The following SERPINB11 variants were observed in gnomAD, a reference collection of about 807,000 sequenced individuals.
The protein encoded by SERPINB11 is serpin B11.
In SERPINB11, 32 loss-of-function variants were observed where a neutral mutation model predicts 36.7. The observed-to-expected ratio is 0.87, with a 90% confidence interval of 0.66 to 1.17. SERPINB11 has a LOEUF of 1.17. SERPINB11 is among the 50% of genes most tolerant of loss of function. The pLI is 0.00. For synonymous variants in SERPINB11, 174 were observed against 168.1 expected (o/e 1.04, Z -0.27); for missense variants, 528 against 458.4 (o/e 1.15, Z -1.39).
intron 1 of SERPINB11, among the ~76,000 whole-genome samples, chr18:63,709,420 G>C (rs542260443): frequency 6.6e-6 from 1 of 152,160 alleles, no homozygotes; most frequent in East Asian, 1.9e-4. Context: ...GACCATCCTG[G>C]CTAACACGGT....
chr18:63,717,055 C>T (rs1914687287), intron 5 of SERPINB11, among the ~76,000 whole-genome samples: 1 of 152,022 alleles, frequency 6.6e-6, no homozygotes, highest in African/African-American at 2.4e-5. Context: ...GAAATAAGCC[C>T]CTTTTTTCCC....
Position 63,710,171 on chromosome 18 carries a change from G to A in SERPINB11, c.-15-8G>A, listed in dbSNP as rs367562916. 9 of 1,591,112 alleles carry A rather than the reference G, an allele frequency of 5.7e-6. No individual in the cohort carries two copies. The African/African-American group carries it at 8.1e-5, about 14-fold the overall frequency. On this transcript the variant is annotated splice_polypyrimidine_tract_variant and splice_region_variant and intron_variant, in intron 1 of 7. Transcript: ENST00000544088. ...ATGTTCTGAGAATTTTTTCCCTTCTGTTCTCAGGCAGTCGGCATAAAAATG... is the reference window on the plus strand; with the variant it reads ...ATGTTCTGAGAATTTTTTCCCTTCTATTCTCAGGCAGTCGGCATAAAAATG...
At chr18:63,720,255 C>A in intron 6 of SERPINB11, 100 bp downstream of exon 6, 1 of 1,060,506 alleles carries the variant, frequency 9.4e-7, no homozygotes, top group Non-Finnish European at 1.4e-6. Context: ...AAATATTGGT[C>A]TAGGTTTCTG....
intron 4 of SERPINB11, among the ~76,000 whole-genome samples, chr18:63,713,460 G>T (rs1914582244): frequency 6.6e-6 from 1 of 152,256 alleles, no homozygotes; most frequent in East Asian, 1.9e-4. Context: ...TGTGATTGAG[G>T]TGAAATGCAA....
At chr18:63,709,430 T>C in intron 1 of SERPINB11, among the ~76,000 whole-genome samples, 1 of 151,906 alleles carries the variant, frequency 6.6e-6, no homozygotes, top group Non-Finnish European at 1.5e-5. Flanking sequence ...GCTAACACGG[T>C]GAAACCCCGT....
At chr18:63,720,326 C>G (rs1418328184) in intron 6 of SERPINB11, 171 bp downstream of exon 6, 3 of 625,394 alleles carry the variant, frequency 4.8e-6, no homozygotes, top group Non-Finnish European at 8.1e-6. Flanking sequence ...GTGACAATAA[C>G]TTTTATCACA....
intron 7 of SERPINB11, 79 bp downstream of exon 7, chr18:63,721,065 C>G: frequency 8.2e-6 from 10 of 1,220,186 alleles, no homozygotes; most frequent in East Asian, 2.5e-5. Context: ...CACTGTGTAT[C>G]TCATGACATT....
At chr18:63,706,107 A>G (rs150936746) in intron 1 of SERPINB11, among the ~76,000 whole-genome samples, 39 of 152,328 alleles carry the variant, frequency 2.6e-4, no homozygotes, top group Non-Finnish European at 5.4e-4. Flanking sequence ...TTGGTGCTGT[A>G]TAACTACTGG....
chr18:63,714,648 T>C (rs8099325), intron 4 of SERPINB11, among the ~76,000 whole-genome samples: 56,114 of 151,630 alleles, frequency 0.37, 11,167 homozygotes, highest in East Asian at 0.61. Context: ...AAAAGAGAAA[T>C]ATGGCTCTGT....
In SERPINB11 at chr18:63,721,610, A is replaced by G. The variant is rs1297607005; in HGVS notation, c.774+624A>G. Among the ~76,000 whole-genome samples, 3 of 152,284 alleles carry G rather than the reference A, an allele frequency of 2.0e-5. No individual in the cohort carries two copies. The East Asian group carries it at 5.8e-4, about 29-fold the overall frequency. On this transcript the variant is annotated intron_variant, in intron 7 of 7. Coordinates refer to ENST00000544088, the MANE Select transcript of SERPINB11 (RefSeq NM_001370475.1). ...TATAGCCTAACAGTTAGGGGCTTCT[A>G]AGCCAGGGAGTGCTGGCTTGAGATG...
intron 1 of SERPINB11, among the ~76,000 whole-genome samples, chr18:63,708,479 C>T (rs902435087): frequency 2.0e-5 from 3 of 151,738 alleles, no homozygotes; most frequent in African/African-American, 7.3e-5. Context: ...CATTGATTGA[C>T]TAAGAGTGAG....
chr18:63,723,408 G>A lies in SERPINB11; in HGVS notation c.*9G>A. 1.3e-6 allele frequency: 2 copies of A among 1,583,828 alleles called. No homozygotes were observed. The highest frequency in any genetic ancestry group is 1.7e-6 in the Non-Finnish European group (2 of 1,163,456). On this transcript the variant is annotated 3_prime_UTR_variant, in exon 8 of 8. Transcript: ENST00000544088. ...AGCTTGCCTCTCCCTAATCAGATGG[G>A]GTTGAGCAAGGCTCAGAGTTGCAGA...
intron 1 of SERPINB11, among the ~76,000 whole-genome samples, chr18:63,706,131 G>A (rs1266912008): frequency 6.6e-6 from 1 of 152,156 alleles, no homozygotes; most frequent in Non-Finnish European, 1.5e-5. Flanking sequence ...CTATTACACT[G>A]TGCTGGGCTT....
At chr18:63,720,806 A>G (rs1482168366) in intron 6 of SERPINB11, 25 bp from the exon 7 acceptor site, 2 of 1,509,802 alleles carry the variant, frequency 1.3e-6, no homozygotes, top group Admixed American at 3.9e-5. Flanking sequence ...ATGTAAGTAT[A>G]CTATAATCTT....
chr18:63,722,581 G>A (rs1251820860), intron 7 of SERPINB11, among the ~76,000 whole-genome samples: 1 of 152,142 alleles, frequency 6.6e-6, no homozygotes, highest in Non-Finnish European at 1.5e-5. Flanking sequence ...TGGGGATCCT[G>A]GCATCAGGGA....
At chr18:63,720,657 T>TA (rs1273336815) in intron 6 of SERPINB11, 174 bp from the exon 7 acceptor site, 3 of 548,128 alleles carry the variant, frequency 5.5e-6, no homozygotes, top group East Asian at 3.0e-5. Context: ...TATTTTAAAT[T>TA]AAAAAAATGG....
intron 3 of SERPINB11, among the ~76,000 whole-genome samples, chr18:63,712,102 C>T (rs576668296): frequency 2.0e-5 from 3 of 152,022 alleles, no homozygotes; most frequent in Non-Finnish European, 4.4e-5. Context: ...AGAATTGCTA[C>T]CACTGAGAAG....
chr18:63,714,032 T>C (rs1914598089), intron 4 of SERPINB11, among the ~76,000 whole-genome samples: 1 of 152,148 alleles, frequency 6.6e-6, no homozygotes, highest in South Asian at 2.1e-4. Flanking sequence ...TTGCTCATAG[T>C]ATATTGGGGG....
At chr18:63,707,782 G>A (rs978657650) in intron 1 of SERPINB11, among the ~76,000 whole-genome samples, 1 of 152,162 alleles carries the variant, frequency 6.6e-6, no homozygotes, top group African/African-American at 2.4e-5. Context: ...TCTATGGATA[G>A]AGCTTGTCTA....
Sources: allele counts gnomAD v4.1 joint callset (sites outside exome capture counted in the v4.1 genomes callset), GRCh38; gene constraint gnomAD v4.1.1; transcripts MANE v1.5; gene names NCBI Gene and HGNC (gene_info 2026-07-23, HGNC 2026-07-21).